Variants in TXNL4A observed in about 807,000 individuals in gnomAD.
The protein encoded by TXNL4A is thioredoxin like 4A.
In TXNL4A, 17 loss-of-function variants were observed where a neutral mutation model predicts 14.6. The observed-to-expected ratio is 1.16, with a 90% CI of 0.80 to 1.74. The LOEUF is 1.74. TXNL4A is among the 40% of genes most tolerant of loss of function. The pLI is 0.00. For synonymous variants in TXNL4A, 83 were observed against 70.6 expected (o/e 1.18, Z -0.88); for missense variants, 74 against 195.2 (o/e 0.38, Z 3.70).
intron 1 of TXNL4A, among the ~76,000 whole-genome samples, chr18:80,023,291 C>T (rs2051862106): frequency 6.6e-6 from 1 of 152,086 alleles, no homozygotes; most frequent in African/African-American, 2.4e-5. Flanking sequence ...ACAAATAGGA[C>T]ATGTTGCCTG....
At chr18:79,989,276 G>GT (rs2051606802), upstream of TXNL4A, among the ~76,000 whole-genome samples, 1 of 152,046 alleles carries the variant, frequency 6.6e-6, no homozygotes, top group Non-Finnish European at 1.5e-5. Context: ...CCCGGCTAGT[G>GT]TTTTTTTGTA....
At chr18:80,009,050 T>C (rs1265366768) in intron 1 of TXNL4A, among the ~76,000 whole-genome samples, 11 of 152,246 alleles carry the variant, frequency 7.2e-5, no homozygotes, top group Admixed American at 4.6e-4. Context: ...GTGCTGGGAT[T>C]ACAGGCGTGA....
intron 1 of TXNL4A, among the ~76,000 whole-genome samples, chr18:80,033,584 G>C (rs1003081683): frequency 6.6e-6 from 1 of 152,248 alleles, no homozygotes; most frequent in Non-Finnish European, 1.5e-5. Flanking sequence ...GCAGCCTCCC[G>C]CCGACAGCGG....
intron 1 of TXNL4A, among the ~76,000 whole-genome samples, chr18:80,008,259 T>A (rs1258863238): frequency 6.6e-6 from 1 of 152,212 alleles, no homozygotes; most frequent in Admixed American, 6.5e-5. Flanking sequence ...TTAGTAGCTC[T>A]CATTCATGGG....
rs192553785 is a variant in TXNL4A, at chr18:80,011,256, G to A, written c.-61+22595C>T. On this transcript the variant is annotated intron_variant, in intron 1 of 2. Transcript: ENST00000585474. The surrounding 1 kb of genome is among the most constrained non-coding windows in gnomAD (Gnocchi z 4.1). ...TCGAATTTATTAAAAAGGGATTGTA[G>A]CCAACTGGGACGGGAGTTTGCATTT... Among the ~76,000 whole-genome samples the A allele has an allele frequency of 6.1e-4, 93 of 152,312 alleles. No individual in the cohort carries two copies. Among genetic ancestry groups the A allele is most frequent in the African/African-American group, 2.1e-3 (86 of 41,558 alleles).
intron 1 of TXNL4A, among the ~76,000 whole-genome samples, chr18:80,022,905 A>G (rs576191856): frequency 3.3e-5 from 5 of 152,146 alleles, no homozygotes; most frequent in African/African-American, 4.8e-5. Flanking sequence ...GCAAGACCCT[A>G]GCTTTCCACC....
chr18:80,024,451 T>A (rs540828557), intron 1 of TXNL4A, among the ~76,000 whole-genome samples: 46 of 151,526 alleles, frequency 3.0e-4, no homozygotes, highest in African/African-American at 1.1e-3. Flanking sequence ...TTTGCTTAAC[T>A]GTTTTTGTTG....
At chr18:80,030,657 T>C (rs1226526800) in intron 1 of TXNL4A, 2 of 152,138 alleles carry the variant, frequency 1.3e-5, no homozygotes, top group Non-Finnish European at 2.9e-5. Flanking sequence ...AGACAATATA[T>C]ATAGTTGGCC....
chr18:79,977,303 T>G, intron 2 of TXNL4A: 1 of 474,972 alleles, frequency 2.1e-6, no homozygotes, highest in Non-Finnish European at 3.7e-6. Flanking sequence ...AGATTATAGT[T>G]CCAGGTATCT....
At chr18:80,016,234 T>C (rs934689019) in intron 1 of TXNL4A, among the ~76,000 whole-genome samples, 7 of 152,220 alleles carry the variant, frequency 4.6e-5, no homozygotes. Flanking sequence ...GTAAATTTGT[T>C]TGAGTTCATT....
chr18:80,020,211 CT>C (rs2051839524), intron 1 of TXNL4A, among the ~76,000 whole-genome samples: 1 of 152,138 alleles, frequency 6.6e-6, no homozygotes, highest in African/African-American at 2.4e-5. Flanking sequence ...GTTTTTTTGG[CT>C]GCATAGATTT....
intron 1 of TXNL4A, among the ~76,000 whole-genome samples, chr18:79,987,757 CAT>C (rs978246725): frequency 8.5e-5 from 13 of 152,166 alleles, no homozygotes; most frequent in Non-Finnish European, 1.5e-4. Flanking sequence ...CTGTAAACCA[CAT>C]GACTCACAAA....
At chr18:80,031,165 G>A (rs188607335) in intron 1 of TXNL4A, among the ~76,000 whole-genome samples, 63 of 152,274 alleles carry the variant, frequency 4.1e-4, no homozygotes, top group African/African-American at 1.5e-3. Flanking sequence ...TCACCCCTTC[G>A]TTTGGCCAAC....
Position 79,973,508 on chromosome 18 carries a change from C to G in TXNL4A, c.*177G>C. ...AGTTTCCTGAGAACAAACAAGTAGG[C>G]CTGCTCCTCTCACCACGTGCTTGTT... On this transcript the variant is annotated 3_prime_UTR_variant, in exon 3 of 3. Coordinates refer to ENST00000269601, the MANE Select transcript of TXNL4A (RefSeq NM_006701.5). 2 of 660,944 alleles carry G rather than the reference C, an allele frequency of 3.0e-6. No individual in the cohort carries two copies. Among genetic ancestry groups the G allele is most frequent in the Non-Finnish European group, 4.7e-6 (2 of 425,226 alleles). The allele number at this position is 660,944 out of a possible 1,614,324, so 40.9% of individuals were successfully genotyped here. A position where few individuals can be genotyped will look rare whatever the true frequency, so the allele number is the denominator to read the frequency against.
intron 1 of TXNL4A, among the ~76,000 whole-genome samples, chr18:79,987,127 C>T (rs2145086126): frequency 6.6e-6 from 1 of 152,330 alleles, no homozygotes; most frequent in Middle Eastern, 3.4e-3. Context: ...TGAGGGGCTT[C>T]TTTAAAAAGC....
chr18:80,011,649 C>T lies in TXNL4A; in HGVS notation c.-61+22202G>A, dbSNP rs1225696363. 4.6e-5 allele frequency among the ~76,000 whole-genome samples: 7 copies of T among 152,152 alleles called. No individual in the cohort carries two copies. In the South Asian group the frequency reaches 8.3e-4, roughly 18 times the overall value. The stretch of plus-strand genomic sequence containing the variant: ...TGTCTTTATGCCCCGAGAGCACAAC[C>T]GCTCGGCGGCATTCCACAGGTGGCT... On this transcript the variant is annotated intron_variant, in intron 1 of 2. Transcript: ENST00000585474. This position sits in a 1 kb window ranked among gnomAD's most constrained non-coding sequence, Gnocchi z 4.1.
chr18:79,974,172 G>A (rs1350641549), intron 2 of TXNL4A, among the ~76,000 whole-genome samples: 1 of 152,100 alleles, frequency 6.6e-6, no homozygotes, highest in Non-Finnish European at 1.5e-5. Flanking sequence ...CAACTCTATG[G>A]GAGGCTGAGG....
chr18:79,975,879 T>C (rs900022362), intron 2 of TXNL4A, among the ~76,000 whole-genome samples: 1 of 152,032 alleles, frequency 6.6e-6, no homozygotes, highest in African/African-American at 2.4e-5. Flanking sequence ...TAAGAACTGT[T>C]AACAAAAGGA....
At chr18:79,984,196 T>C (rs762511408) in intron 1 of TXNL4A, among the ~76,000 whole-genome samples, 3 of 152,226 alleles carry the variant, frequency 2.0e-5, no homozygotes, top group Non-Finnish European at 4.4e-5. Context: ...ACTGGTTCAG[T>C]AGGCGTTCTG....
Sources: allele counts gnomAD v4.1 joint callset (sites outside exome capture counted in the v4.1 genomes callset), GRCh38; gene constraint gnomAD v4.1.1; non-coding constraint Gnocchi (gnomAD v3.1); transcripts MANE v1.5; gene names NCBI Gene and HGNC (gene_info 2026-07-23, HGNC 2026-07-21).